The following ZNF45 variants were observed in gnomAD, a reference collection of about 807,000 sequenced individuals.
ZNF45 encodes BRC1744.
In ZNF45, 4 loss-of-function variants were observed where a neutral mutation model predicts 12.0. The observed-to-expected ratio is 0.33, with a 90% CI of 0.16 to 0.76. ZNF45 has a LOEUF of 0.76. ZNF45 is among the 30% of genes least tolerant of loss of function. The probability of loss-of-function intolerance (pLI) is 0.60; values close to 1 mark genes in which losing one functional copy is unlikely to be tolerated. For missense variants in ZNF45, 700 were observed against 813.0 expected, an observed-to-expected ratio of 0.86 and a Z score of 1.69; for synonymous variants, 272 against 279.6, an observed-to-expected ratio of 0.97 and a Z score of 0.27.
At chr19:43,921,339 G>A (rs770500046) in intron 7 of ZNF45, among the ~76,000 whole-genome samples, 11 of 152,164 alleles carry the variant, frequency 7.2e-5, no homozygotes, top group Non-Finnish European at 1.6e-4. Context: ...TGTACTGCTA[G>A]ACTTTTAAAA....
chr19:43,916,841 G>A (rs1233044543), intron 9 of ZNF45, among the ~76,000 whole-genome samples: 7 of 152,028 alleles, frequency 4.6e-5, no homozygotes, highest in African/African-American at 1.7e-4. Context: ...GGATGGTGCT[G>A]ATAAGAAAAT....
Position 43,917,179 on chromosome 19 carries a change from T to C in ZNF45, c.235+1691A>G, listed in dbSNP as rs573313981. 2.6e-5 allele frequency among the ~76,000 whole-genome samples: 4 copies of C among 152,324 alleles called. No individual in the cohort carries two copies. The East Asian group carries it at 7.7e-4, about 29-fold the overall frequency. On this transcript the variant is annotated intron_variant, in intron 9 of 9. Coordinates refer to ENST00000269973, the MANE Select transcript of ZNF45 (RefSeq NM_003425.4). ...GAAAAGAAAAATATTAGACGTGTTT[T>C]GTAAGCAAGAAATGTATTTCTCCGC... is the stretch of plus-strand genomic sequence containing the variant.
Position 43,915,195 on chromosome 19 carries a change from T to A in ZNF45, c.241A>T (p.Lys81Ter). ...AGAGTCTCCATCTCTTTTAGATTCTTGGCTCCTAAAAGGATAAAGAAAATG... is the reference window on the plus strand; with the variant it reads ...AGAGTCTCCATCTCTTTTAGATTCTAGGCTCCTAAAAGGATAAAGAAAATG... ...ATQRDNSSGA[K>*]NLKEMETLQE... Residue 81 changes from lysine to a stop codon, truncating the protein, a stop_gained, in exon 10 of 10, where the codon AAG becomes TAG. Transcript: ENST00000269973. LOFTEE classifies it low-confidence loss of function (END_TRUNC). 3.4e-6 allele frequency: 5 copies of A among 1,491,682 alleles called. No homozygotes were observed. Among genetic ancestry groups the A allele is most frequent in the Non-Finnish European group, 4.5e-6 (5 of 1,120,982 alleles). The allele number at this position is 1,491,682 out of a possible 1,614,324, so 92.4% of individuals were successfully genotyped here. A position where few individuals can be genotyped will look rare whatever the true frequency, so the allele number is the denominator to read the frequency against.
intron 9 of ZNF45, among the ~76,000 whole-genome samples, chr19:43,918,325 G>C (rs1972855741): frequency 6.6e-6 from 1 of 152,136 alleles, no homozygotes; most frequent in South Asian, 2.1e-4. Flanking sequence ...TACAACTAAA[G>C]CTAAGCTTTC....
At chr19:43,927,672 C>T (rs1229682524) in intron 3 of ZNF45, among the ~76,000 whole-genome samples, 1 of 152,060 alleles carries the variant, frequency 6.6e-6, no homozygotes. Flanking sequence ...TGAACAGAGA[C>T]CTCAAATATA....
intron 7 of ZNF45, 39 bp from the exon 8 acceptor site, chr19:43,919,738 A>G (rs778782239): frequency 1.9e-6 from 3 of 1,601,748 alleles, no homozygotes; most frequent in Admixed American, 1.7e-5. Flanking sequence ...TCTTGCAATA[A>G]AGGTCCACTG....
intron 9 of ZNF45, among the ~76,000 whole-genome samples, chr19:43,915,426 G>T (rs780961698): frequency 1.3e-5 from 2 of 152,240 alleles, no homozygotes; most frequent in Non-Finnish European, 1.5e-5. Context: ...TTCATTGGAA[G>T]TTTATTCCAA....
At chr19:43,922,536 T>C (rs1007108335) in intron 6 of ZNF45, among the ~76,000 whole-genome samples, 5 of 152,010 alleles carry the variant, frequency 3.3e-5, no homozygotes, top group African/African-American at 1.2e-4. Context: ...ATACCCAGAT[T>C]AAGAGTATTT....
intron 7 of ZNF45, among the ~76,000 whole-genome samples, chr19:43,920,220 C>T (rs1420491540): frequency 6.6e-6 from 1 of 152,098 alleles, no homozygotes; most frequent in Non-Finnish European, 1.5e-5. Context: ...TGGTATCTCA[C>T]CTGTTACTGT....
Position 43,913,739 on chromosome 19 carries a change from CAGA to C in ZNF45, c.1694_1696del (p.Phe565del). On this transcript the variant is annotated inframe_deletion, in exon 10 of 10. Transcript: ENST00000269973. Reference sequence around the variant, plus strand: ...ATGTGCCAGAAAATTGGAGGCCCGACAGAAGCCCTTCCCACACTCCTCACATTG... The same window carrying C: ...ATGTGCCAGAAAATTGGAGGCCCGACAGCCCTTCCCACACTCCTCACATTG... 6.2e-7 allele frequency: 1 copy of C among 1,614,132 alleles called. No individual in the cohort carries two copies. Among genetic ancestry groups the C allele is most frequent in the Non-Finnish European group, 8.5e-7 (1 of 1,180,010 alleles).
chr19:43,931,959 G>A (rs945244535), intron 3 of ZNF45, among the ~76,000 whole-genome samples: 1 of 152,154 alleles, frequency 6.6e-6, no homozygotes, highest in South Asian at 2.1e-4. Context: ...ATAAGCTAGT[G>A]CATGGAAAGC....
chr19:43,928,625 C>T (rs1445909619), intron 3 of ZNF45, among the ~76,000 whole-genome samples: 1 of 152,194 alleles, frequency 6.6e-6, no homozygotes, highest in Non-Finnish European at 1.5e-5. Context: ...AAACAGCTCT[C>T]TAGATATTTT....
rs535298147 is a variant in ZNF45 at position 43,913,443 on chromosome 19, C to G, written c.1993G>C (p.Asp665His). ...LIIHQRVHAD[D>H]EGDKDFPSSE... ...GAAGGAAAGTCCTTGTCACCCTCATCATCAGCATGGACTCGCTGATGAATG... is the reference window on the plus strand; with the variant it reads ...GAAGGAAAGTCCTTGTCACCCTCATGATCAGCATGGACTCGCTGATGAATG... The change falls in exon 10 of 10, where the codon GAT becomes CAT. Residue 665 changes from aspartate to histidine, a missense_variant. Transcript: ENST00000269973. The G allele has an allele frequency of 6.3e-7, 1 of 1,592,950 alleles. No homozygotes were observed. The highest frequency in any genetic ancestry group is 2.2e-5 in the East Asian group (1 of 44,716).
chr19:43,916,854 T>C (rs548799875), intron 9 of ZNF45, among the ~76,000 whole-genome samples: 1 of 151,976 alleles, frequency 6.6e-6, no homozygotes, highest in African/African-American at 2.4e-5. Context: ...AAGAAAATCA[T>C]GCTGATCACA....
rs774339345 is a variant in ZNF45, at chr19:43,914,197, C to A, written c.1239G>T (p.Glu413Asp). The change falls in exon 10 of 10, where the codon GAG (glutamate) becomes GAT (aspartate). Residue 413 changes from glutamate to aspartate, a missense_variant. Physicochemically the swap from Glu to Asp is conservative, Grantham distance 45. Transcript: ENST00000269973. ...LLDHQRGHTG[E>D]KPYQCDACGK... ...CACATGCATCACACTGATACGGTTTCTCTCCAGTATGGCCTCTTTGATGGT... is the reference window on the plus strand; with the variant it reads ...CACATGCATCACACTGATACGGTTTATCTCCAGTATGGCCTCTTTGATGGT... The A allele has an allele frequency of 6.8e-6, 11 of 1,606,310 alleles. No individual in the cohort carries two copies. Among genetic ancestry groups the A allele is most frequent in the Non-Finnish European group, 9.4e-6 (11 of 1,174,582 alleles).
In ZNF45 at chr19:43,913,617, T is replaced by C; in HGVS notation, c.1819A>G (p.Thr607Ala). Residue 607 changes from threonine to alanine, a missense_variant, in exon 10 of 10, where the codon ACA (threonine) becomes GCA (alanine). Coordinates refer to ENST00000269973, the MANE Select transcript of ZNF45 (RefSeq NM_003425.4). ...TCACATTTGTATGGTCTCTCTCCTGTGTGGACCCTCTGGTGGGCTTGAAGG... is the reference window on the plus strand; with the variant it reads ...TCACATTTGTATGGTCTCTCTCCTGCGTGGACCCTCTGGTGGGCTTGAAGG... The part of the protein sequence containing the change: ...SYLQAHQRVH[T>A]GERPYKCEEC... 1 of 1,614,182 alleles carries C rather than the reference T, an allele frequency of 6.2e-7. No homozygotes were observed. Among genetic ancestry groups the C allele is most frequent in the African/African-American group, 1.3e-5 (1 of 75,044 alleles).
In ZNF45 at chr19:43,914,506, C is replaced by G; in HGVS notation, c.930G>C (p.Gly310=). The change falls in exon 10 of 10, where the codon GGG becomes GGC. Residue 310 remains glycine (G), a synonymous_variant. Transcript: ENST00000269973. Reference sequence around the variant, plus strand: ...GTCGTGAACGCCAACTGAAGCTCTTCCCACACTCTTCACACTTATATGGTT... The same window carrying G: ...GTCGTGAACGCCAACTGAAGCTCTTGCCACACTCTTCACACTTATATGGTT... ...GKKPYKCEEC[G]KSFSWRSRLQ... 3.7e-6 allele frequency: 6 copies of G among 1,613,092 alleles called. No homozygotes were observed. Among genetic ancestry groups the G allele is most frequent in the Non-Finnish European group, 5.1e-6 (6 of 1,179,268 alleles).
In ZNF45 at chr19:43,914,387, T is replaced by C; in HGVS notation, c.1049A>G (p.His350Arg). ...TTTCTCTCCTGTGTGGATTCTACAA[T>C]GAATATTAAGGTGTGAGCTGTAACT... is the stretch of plus-strand genomic sequence containing the variant. ...SFSYSSHLNI[H>R]CRIHTGEKPY... Residue 350 changes from histidine to arginine, a missense_variant, in exon 10 of 10, where the codon CAT becomes CGT. Transcript: ENST00000269973. 6.2e-7 allele frequency: 1 copy of C among 1,610,986 alleles called. No homozygotes were observed. The highest frequency in any genetic ancestry group is 8.5e-7 in the Non-Finnish European group (1 of 1,177,960).
chr19:43,914,516 TCA>T lies in ZNF45; in HGVS notation c.918_919del (p.Cys306Ter). 1.2e-6 allele frequency: 2 copies of T among 1,612,834 alleles called. No homozygotes were observed. The highest frequency in any genetic ancestry group is 1.7e-6 in the Non-Finnish European group (2 of 1,178,976). Reference sequence around the variant, plus strand: ...CCAACTGAAGCTCTTCCCACACTCTTCACACTTATATGGTTTCTTTCCAGTGT... The same window carrying T: ...CCAACTGAAGCTCTTCCCACACTCTTCACTTATATGGTTTCTTTCCAGTGT... On this transcript the variant is annotated stop_gained and frameshift_variant, in exon 10 of 10. Coordinates refer to ENST00000269973, the MANE Select transcript of ZNF45 (RefSeq NM_003425.4). LOFTEE classifies it low-confidence loss of function (END_TRUNC).
Sources: gnomAD v4.1 joint callset for allele counts (sites outside exome capture counted in the v4.1 genomes callset) on GRCh38, gnomAD v4.1.1 for gene constraint, MANE v1.5 for transcripts, NCBI Gene and HGNC (gene_info 2026-07-23, HGNC 2026-07-21) for gene names.